Variants in ZFAND3 observed in about 807,000 individuals in gnomAD.
ZFAND3 encodes the protein zinc finger AN1-type containing 3, also known as AN1-type zinc finger protein 3.
Under a neutral mutation model 29.6 loss-of-function variants are expected in ZFAND3, and 10 were observed. The ratio of observed to expected loss-of-function variants is 0.34; its 90% CI spans 0.21 to 0.57. The LOEUF is 0.57. Ranked by LOEUF, ZFAND3 falls within the 20% of genes least tolerant of loss-of-function variation. The probability of loss-of-function intolerance (pLI) is 0.86; values close to 1 mark genes in which losing one functional copy is unlikely to be tolerated. For missense variants in ZFAND3, 230 were observed against 304.5 expected (o/e 0.76, Z 1.82); for synonymous variants, 128 against 112.6 (o/e 1.14, Z -0.87).
At chr6:38,058,897 A>G (rs970242695) in intron 2 of ZFAND3, among the ~76,000 whole-genome samples, 4 of 152,228 alleles carry the variant, frequency 2.6e-5, no homozygotes, top group Non-Finnish European at 5.9e-5. Flanking sequence ...CCTGGCACAT[A>G]ATAAACGCAT....
At chr6:37,864,738 T>TACACAC (rs70977698) in intron 1 of ZFAND3, among the ~76,000 whole-genome samples, 210 of 148,976 alleles carry the variant, frequency 1.4e-3, no homozygotes, top group African/African-American at 4.6e-3. Flanking sequence ...TATGTGGTTA[T>TACACAC]ACACACACAC....
chr6:37,916,658 C>T (rs999550519), intron 1 of ZFAND3, among the ~76,000 whole-genome samples: 2 of 151,794 alleles, frequency 1.3e-5, no homozygotes, highest in Non-Finnish European at 2.9e-5. Context: ...GACTCTGTCT[C>T]GAAAAAAGAA....
intron 2 of ZFAND3, among the ~76,000 whole-genome samples, chr6:38,035,260 C>T (rs988834254): frequency 6.6e-6 from 1 of 152,030 alleles, no homozygotes; most frequent in Non-Finnish European, 1.5e-5. Context: ...CATCCCGAAT[C>T]TTCTATTATG....
chr6:38,115,658 G>C (rs1765402713), intron 4 of ZFAND3, among the ~76,000 whole-genome samples: 1 of 152,136 alleles, frequency 6.6e-6, no homozygotes, highest in Non-Finnish European at 1.5e-5. Flanking sequence ...AAGTAATTTA[G>C]CACAAACAAT....
intron 2 of ZFAND3, among the ~76,000 whole-genome samples, chr6:37,967,542 T>A (rs1762314385): frequency 1.3e-5 from 2 of 152,218 alleles, no homozygotes; most frequent in Non-Finnish European, 2.9e-5. Context: ...TACTTCCAGA[T>A]CCTCTCAGTG....
intron 2 of ZFAND3, among the ~76,000 whole-genome samples, chr6:37,964,031 C>G (rs1387607259): frequency 6.6e-6 from 1 of 152,064 alleles, no homozygotes; most frequent in Non-Finnish European, 1.5e-5. Flanking sequence ...ATATTTTGTT[C>G]TGTTGTAATT....
At position 38,082,768 on chromosome 6, in the gene ZFAND3, C is replaced by G. The variant is rs140265865; in HGVS notation, c.361+311C>G. On this transcript the variant is annotated intron_variant, in intron 4 of 5. Coordinates refer to ENST00000287218, the MANE Select transcript of ZFAND3 (RefSeq NM_021943.3). ...TCATTGCCCAGTTTGTAGCATGTAA[C>G]TAATCTGAGGGCCAAGATTGAAATT... Among the ~76,000 whole-genome samples the G allele has an allele frequency of 5.0e-4, 76 of 152,262 alleles. No individual in the cohort carries two copies. The East Asian group carries it at 0.012, about 24-fold the overall frequency.
At chr6:38,055,758 C>CA (rs1437088099) in intron 2 of ZFAND3, among the ~76,000 whole-genome samples, 2 of 152,282 alleles carry the variant, frequency 1.3e-5, no homozygotes, top group African/African-American at 2.4e-5. Flanking sequence ...AGGTATTAAG[C>CA]ACTTTATCTT....
chr6:38,005,692 G>A (rs1246285180), intron 2 of ZFAND3, among the ~76,000 whole-genome samples: 1 of 152,162 alleles, frequency 6.6e-6, no homozygotes, highest in Non-Finnish European at 1.5e-5. Context: ...ATTCTGCATG[G>A]TTAATAAAGG....
intron 5 of ZFAND3, among the ~76,000 whole-genome samples, chr6:38,130,727 A>T (rs1765726031): frequency 6.6e-6 from 1 of 152,172 alleles, no homozygotes; most frequent in Non-Finnish European, 1.5e-5. Context: ...TATTTTGTTA[A>T]GGATTTTAGC....
rs561738652 is a variant in ZFAND3, at chr6:38,153,130, G to A, written c.*741G>A. On this transcript the variant is annotated 3_prime_UTR_variant, in exon 6 of 6. Transcript: ENST00000287218. ...TCCAAGGTCACGAGAAGCAGCCAGA[G>A]TGCCCCGCCTCCGCCGGCTCTGGTC... The A allele has an allele frequency of 1.0e-6, 1 of 985,542 alleles. No homozygotes were observed. The highest frequency in any genetic ancestry group is 4.7e-5 in the South Asian group (1 of 21,294). 61.0% of individuals were successfully genotyped at this position (985,542 alleles called of 1,614,324 possible).
chr6:38,150,374 C>G (rs1423543886), intron 5 of ZFAND3, among the ~76,000 whole-genome samples: 2 of 152,132 alleles, frequency 1.3e-5, no homozygotes, highest in African/African-American at 4.8e-5. Flanking sequence ...AATGGATGGC[C>G]CAAGCTCAGC....
chr6:37,973,221 A>C (rs890938265), intron 2 of ZFAND3, among the ~76,000 whole-genome samples: 2 of 152,170 alleles, frequency 1.3e-5, no homozygotes, highest in African/African-American at 4.8e-5. Flanking sequence ...CAAGTAGTTA[A>C]ATACACCCAA....
At chr6:38,023,693 TC>T (rs1763393363) in intron 2 of ZFAND3, among the ~76,000 whole-genome samples, 1 of 152,214 alleles carries the variant, frequency 6.6e-6, no homozygotes, top group Non-Finnish European at 1.5e-5. Context: ...TAGACAAATG[TC>T]TTTTACTTGT....
At position 38,100,066 on chromosome 6, in the gene ZFAND3, T is replaced by C. The variant is rs191891537; in HGVS notation, c.362-16506T>C. Among the ~76,000 whole-genome samples, 231 of 150,194 alleles carry C rather than the reference T, an allele frequency of 1.5e-3. 1 individual carries two copies. Among genetic ancestry groups the C allele is most frequent in the African/African-American group, 5.5e-3 (225 of 41,112 alleles). On this transcript the variant is annotated intron_variant, in intron 4 of 5. Coordinates refer to ENST00000287218, the MANE Select transcript of ZFAND3 (RefSeq NM_021943.3). ...TTGATAAACCTATTTCTTTTTTTCT[T>C]TTTTTTTTTAAGACGGAGTCTCACT...
intron 2 of ZFAND3, among the ~76,000 whole-genome samples, chr6:37,956,542 G>GGT (rs1762088952): frequency 6.6e-6 from 1 of 152,156 alleles, no homozygotes; most frequent in African/African-American, 2.4e-5. Flanking sequence ...TTCAACTTTG[G>GGT]GTAACAAATG....
chr6:37,855,397 T>C (rs1764364318), intron 1 of ZFAND3, among the ~76,000 whole-genome samples: 1 of 151,618 alleles, frequency 6.6e-6, no homozygotes. Context: ...GGTGATCCAC[T>C]TGCCTTGGCC....
chr6:37,932,779 G>A lies in ZFAND3; in HGVS notation c.112+2780G>A, dbSNP rs749967522. Reference sequence around the variant, plus strand: ...TTCTGTGTTTATAATTATCTGTCTCGTGATCTGTGTCTATTTACATTTTAT... The same window carrying A: ...TTCTGTGTTTATAATTATCTGTCTCATGATCTGTGTCTATTTACATTTTAT... On this transcript the variant is annotated intron_variant, in intron 2 of 5. Transcript: ENST00000287218. Among the ~76,000 whole-genome samples the A allele has an allele frequency of 1.5e-4, 23 of 152,212 alleles. No individual in the cohort carries two copies. In the East Asian group the frequency reaches 2.1e-3, roughly 14 times the overall value.
At chr6:38,140,581 C>T (rs1289891735) in intron 5 of ZFAND3, among the ~76,000 whole-genome samples, 1 of 152,170 alleles carries the variant, frequency 6.6e-6, no homozygotes, top group Non-Finnish European at 1.5e-5. Context: ...CCTTGACCTC[C>T]TGGTTGCAAG....
Sources: allele counts gnomAD v4.1 joint callset (sites outside exome capture counted in the v4.1 genomes callset), GRCh38; gene constraint gnomAD v4.1.1; transcripts MANE v1.5; gene names NCBI Gene and HGNC (gene_info 2026-07-23, HGNC 2026-07-21).